Variants in BRINP3 observed in about 807,000 individuals in gnomAD.
The protein encoded by BRINP3 is BMP/retinoic acid inducible neural specific 3, also known as BMP/retinoic acid-inducible neural-specific protein 3.
BRINP3 carries 19 observed loss-of-function variants against 71.0 expected under a neutral mutation model. The ratio of observed to expected loss-of-function variants is 0.27; its 90% confidence interval spans 0.19 to 0.39. The LOEUF (loss-of-function observed/expected upper bound fraction) is 0.39. BRINP3 is among the 10% of genes least tolerant of loss of function. The pLI is 1.00. For missense variants in BRINP3, 959 were observed against 940.8 expected (o/e 1.02, Z -0.25); for synonymous variants, 380 against 337.7 (o/e 1.13, Z -1.37).
intron 2 of BRINP3, among the ~76,000 whole-genome samples, chr1:190,331,777 T>C (rs201796933): frequency 6.6e-6 from 1 of 151,988 alleles, no homozygotes; most frequent in African/African-American, 2.4e-5. Flanking sequence ...CTCATACTTA[T>C]ATTTGAATCA....
intron 4 of BRINP3, among the ~76,000 whole-genome samples, chr1:190,263,539 G>A (rs1429034383): frequency 2.6e-5 from 4 of 151,054 alleles, no homozygotes; most frequent in Admixed American, 6.6e-5. Context: ...GCAATCTTCC[G>A]AGCATTCTAA....
chr1:190,220,151 A>G (rs1656750474), intron 6 of BRINP3, among the ~76,000 whole-genome samples: 1 of 152,120 alleles, frequency 6.6e-6, no homozygotes, highest in Non-Finnish European at 1.5e-5. Context: ...AAGGCATATA[A>G]TAACCAAACT....
chr1:190,109,240 A>T (rs1220463957), intron 7 of BRINP3, among the ~76,000 whole-genome samples: 2 of 152,192 alleles, frequency 1.3e-5, no homozygotes, highest in Non-Finnish European at 2.9e-5. Context: ...TGATATGAAA[A>T]GTTACATTTT....
chr1:190,441,896 CCAGTAATTTGAAA>C (rs1056246778), intron 2 of BRINP3, among the ~76,000 whole-genome samples: 3 of 151,980 alleles, frequency 2.0e-5, no homozygotes, highest in African/African-American at 7.2e-5. Context: ...TGGTTTGCTC[CCAGTAATTTGAAA>C]CATTTAAAGA....
intron 2 of BRINP3, among the ~76,000 whole-genome samples, chr1:190,450,358 A>G (rs1675525612): frequency 6.6e-6 from 1 of 152,186 alleles, no homozygotes; most frequent in Non-Finnish European, 1.5e-5. Context: ...GAAGCTTATA[A>G]CTACTTCAAT....
At chr1:190,320,755 T>C (rs1373585584) in intron 2 of BRINP3, among the ~76,000 whole-genome samples, 1 of 151,724 alleles carries the variant, frequency 6.6e-6, no homozygotes, top group African/African-American at 2.4e-5. Flanking sequence ...ATCTTTGGGG[T>C]GTGGGAGGAA....
At chr1:190,298,817 G>A (rs1180910624) in intron 2 of BRINP3, among the ~76,000 whole-genome samples, 4 of 152,062 alleles carry the variant, frequency 2.6e-5, no homozygotes, top group Non-Finnish European at 1.5e-5. Flanking sequence ...ATATTGACTA[G>A]ATCATGTTTG....
intron 4 of BRINP3, among the ~76,000 whole-genome samples, chr1:190,251,789 C>G (rs548992581): frequency 3.8e-4 from 54 of 141,156 alleles, no homozygotes; most frequent in African/African-American, 1.3e-3. Context: ...TAACAATACT[C>G]TTTAACAACA....
At chr1:190,295,268 G>C (rs1365148900) in intron 2 of BRINP3, among the ~76,000 whole-genome samples, 1 of 152,088 alleles carries the variant, frequency 6.6e-6, no homozygotes, top group Non-Finnish European at 1.5e-5. Flanking sequence ...GTGCCAAGCA[G>C]CTCACTTGGT....
intron 3 of BRINP3, among the ~76,000 whole-genome samples, chr1:190,278,381 T>A (rs1053034610): frequency 5.3e-5 from 8 of 151,580 alleles, no homozygotes; most frequent in Non-Finnish European, 1.0e-4. Flanking sequence ...CCATTTTTTT[T>A]AAATGGAGAA....
chr1:190,428,469 T>C (rs1416391441), intron 2 of BRINP3, among the ~76,000 whole-genome samples: 1 of 151,962 alleles, frequency 6.6e-6, no homozygotes. Context: ...TGAAAAAAAG[T>C]ATTTACCTTG....
chr1:190,278,159 G>C (rs551715369), intron 3 of BRINP3, among the ~76,000 whole-genome samples: 27 of 151,790 alleles, frequency 1.8e-4, no homozygotes, highest in African/African-American at 6.0e-4. Flanking sequence ...AAAACTGATA[G>C]TGAGTATTTT....
chr1:190,377,634 A>C (rs1670266735), intron 2 of BRINP3, among the ~76,000 whole-genome samples: 1 of 149,772 alleles, frequency 6.7e-6, no homozygotes, highest in Non-Finnish European at 1.5e-5. Context: ...ACACACACAC[A>C]CAAGTACACA....
intron 2 of BRINP3, among the ~76,000 whole-genome samples, chr1:190,419,957 T>C (rs1673264395): frequency 6.6e-6 from 1 of 151,962 alleles, no homozygotes; most frequent in African/African-American, 2.4e-5. Flanking sequence ...GTTATACAAA[T>C]ATCAGCTGTG....
chr1:190,311,999 T>C (rs938677095), intron 2 of BRINP3, among the ~76,000 whole-genome samples: 1 of 130,444 alleles, frequency 7.7e-6, no homozygotes, highest in Non-Finnish European at 1.6e-5. Context: ...CAACACTGTC[T>C]AGAAAATATA....
intron 4 of BRINP3, among the ~76,000 whole-genome samples, chr1:190,253,399 A>G (rs1660331895): frequency 6.6e-6 from 1 of 152,164 alleles, no homozygotes; most frequent in Non-Finnish European, 1.5e-5. Flanking sequence ...CAACAGTGTA[A>G]AAGCATTCCT....
intron 6 of BRINP3, among the ~76,000 whole-genome samples, chr1:190,208,616 T>G (rs1655721427): frequency 6.6e-6 from 1 of 152,082 alleles, no homozygotes; most frequent in Non-Finnish European, 1.5e-5. Context: ...ATCCTCAGCT[T>G]CCCTAGAAGC....
intron 2 of BRINP3, among the ~76,000 whole-genome samples, chr1:190,325,897 C>A (rs1020617358): frequency 2.0e-5 from 3 of 151,984 alleles, no homozygotes; most frequent in Non-Finnish European, 2.9e-5. Context: ...ATGTTAAAAA[C>A]CAATAATAAC....
chr1:190,426,126 T>C (rs1241399853), intron 2 of BRINP3, among the ~76,000 whole-genome samples: 3 of 151,810 alleles, frequency 2.0e-5, no homozygotes, highest in African/African-American at 7.2e-5. Context: ...ATCCTTTATT[T>C]TGGAAACGTG....
Sources: allele counts gnomAD v4.1 joint callset (sites outside exome capture counted in the v4.1 genomes callset), GRCh38; gene constraint gnomAD v4.1.1; transcripts MANE v1.5; gene names NCBI Gene and HGNC (gene_info 2026-07-23, HGNC 2026-07-21).